SPICE1: variants seen among roughly 807,000 people sequenced by gnomAD.
The protein encoded by SPICE1 is spindle and centriole-associated protein 1.
In SPICE1, 75 loss-of-function variants were observed where a neutral mutation model predicts 102.7. The ratio of observed to expected loss-of-function variants is 0.73; its 90% CI spans 0.61 to 0.88. SPICE1 has a LOEUF of 0.88. Among genes scored for constraint, SPICE1 ranks in the 40% least tolerant of loss-of-function variants. SPICE1 has a pLI of 0.00. For synonymous variants in SPICE1, 308 were observed against 350.3 expected (o/e 0.88, Z 1.35); for missense variants, 979 against 1,020.1 (o/e 0.96, Z 0.55).
intron 13 of SPICE1, among the ~76,000 whole-genome samples, chr3:113,456,473 TGG>T (rs1182290774): frequency 6.6e-6 from 1 of 152,110 alleles, no homozygotes; most frequent in African/African-American, 2.4e-5. Flanking sequence ...AAAATGTACA[TGG>T]GGACAAATAA....
intron 7 of SPICE1, among the ~76,000 whole-genome samples, chr3:113,474,706 T>A (rs1200359891): frequency 6.6e-6 from 1 of 151,968 alleles, no homozygotes; most frequent in African/African-American, 2.4e-5. Flanking sequence ...CATAAATAAA[T>A]GAAGGCAGAA....
At chr3:113,473,861 G>A (rs1380863611) in intron 7 of SPICE1, among the ~76,000 whole-genome samples, 1 of 151,720 alleles carries the variant, frequency 6.6e-6, no homozygotes, top group Non-Finnish European at 1.5e-5. Context: ...ATCGAGACTA[G>A]GAAGAAACTG....
intron 16 of SPICE1, 37 bp from the exon 17 acceptor site, chr3:113,446,713 C>G (rs1559954931): frequency 6.7e-7 from 1 of 1,484,680 alleles, no homozygotes; most frequent in Non-Finnish European, 9.4e-7. Flanking sequence ...AGAGAGTGAG[C>G]TATCATTATT....
intron 1 of SPICE1, among the ~76,000 whole-genome samples, chr3:113,507,086 T>C (rs1429340304): frequency 6.6e-6 from 1 of 152,206 alleles, no homozygotes; most frequent in East Asian, 1.9e-4. Flanking sequence ...TAAAAGTAGC[T>C]AAACTTTAGA....
intron 7 of SPICE1, among the ~76,000 whole-genome samples, chr3:113,477,742 CA>C (rs1272466124): frequency 1.5e-5 from 2 of 137,490 alleles, no homozygotes; most frequent in Non-Finnish European, 3.0e-5. Context: ...ACAATGAGAA[CA>C]CATGGACACA....
chr3:113,454,834 T>C (rs1449981400), intron 13 of SPICE1, among the ~76,000 whole-genome samples: 1 of 152,152 alleles, frequency 6.6e-6, no homozygotes, highest in African/African-American at 2.4e-5. Context: ...AAGGAAGGGT[T>C]CTCAGGCATG....
chr3:113,464,044 G>C (rs1935993976), intron 11 of SPICE1, among the ~76,000 whole-genome samples: 1 of 151,884 alleles, frequency 6.6e-6, no homozygotes, highest in African/African-American at 2.4e-5. Context: ...CTCCAGCCTG[G>C]GGGACAGAGT....
chr3:113,473,241 G>C (rs1482454196), intron 7 of SPICE1, among the ~76,000 whole-genome samples: 1 of 152,142 alleles, frequency 6.6e-6, no homozygotes, highest in African/African-American at 2.4e-5. Flanking sequence ...ACAGAAAAAA[G>C]AATAAAAAGA....
intron 7 of SPICE1, among the ~76,000 whole-genome samples, chr3:113,474,856 C>T (rs1233021366): frequency 6.6e-6 from 1 of 152,014 alleles, no homozygotes; most frequent in African/African-American, 2.4e-5. Flanking sequence ...AAAATTGACA[C>T]CCTAACATCA....
intron 11 of SPICE1, 38 bp downstream of exon 11, chr3:113,465,615 C>A (rs746680104): frequency 6.3e-7 from 1 of 1,593,378 alleles, no homozygotes; most frequent in South Asian, 1.1e-5. Flanking sequence ...ATGTTTTATA[C>A]CACTGAACAC....
At chr3:113,489,952 A>C (rs7650930) in intron 6 of SPICE1, among the ~76,000 whole-genome samples, 1 of 151,498 alleles carries the variant, frequency 6.6e-6, no homozygotes, top group Admixed American at 6.6e-5. Flanking sequence ...TTCCTTCCCA[A>C]TCTCCTTTAC....
At chr3:113,474,158 T>C (rs1201195991) in intron 7 of SPICE1, among the ~76,000 whole-genome samples, 2 of 151,248 alleles carry the variant, frequency 1.3e-5, no homozygotes, top group Non-Finnish European at 2.9e-5. Flanking sequence ...TAAAACAGAC[T>C]TTAAACCAAC....
intron 14 of SPICE1, among the ~76,000 whole-genome samples, chr3:113,450,844 GACTT>G (rs1935636523): frequency 6.6e-6 from 1 of 152,146 alleles, no homozygotes; most frequent in South Asian, 2.1e-4. Flanking sequence ...ACACAATTTT[GACTT>G]ACTAATGGCC....
intron 7 of SPICE1, among the ~76,000 whole-genome samples, chr3:113,474,991 A>T (rs943537939): frequency 6.6e-6 from 1 of 152,224 alleles, no homozygotes; most frequent in East Asian, 1.9e-4. Flanking sequence ...TAATGAATCC[A>T]GGAGCTGGCT....
intron 7 of SPICE1, among the ~76,000 whole-genome samples, chr3:113,480,743 G>A (rs1370038780): frequency 6.6e-6 from 1 of 151,918 alleles, no homozygotes; most frequent in Non-Finnish European, 1.5e-5. Flanking sequence ...ATCTGGGTAT[G>A]GTGTTTGCAT....
Position 113,489,072 on chromosome 3 carries a change from A to C in SPICE1, c.493-9T>G. ...TCTACATCATTAAGAGCCTGTCTCAACACAACAATAAAAATAGCACAAGTT... is the reference window on the plus strand; with the variant it reads ...TCTACATCATTAAGAGCCTGTCTCACCACAACAATAAAAATAGCACAAGTT... On this transcript the variant is annotated splice_polypyrimidine_tract_variant and intron_variant, in intron 6 of 17. Coordinates refer to ENST00000295872, the MANE Select transcript of SPICE1 (RefSeq NM_144718.4). 1 of 1,525,416 alleles carries C rather than the reference A, an allele frequency of 6.6e-7. No individual in the cohort carries two copies. Among genetic ancestry groups the C allele is most frequent in the East Asian group, 2.3e-5 (1 of 44,372 alleles). 94.5% of individuals were successfully genotyped at this position (1,525,416 alleles called of 1,614,324 possible).
At chr3:113,473,935 AAT>A (rs1407883245) in intron 7 of SPICE1, among the ~76,000 whole-genome samples, 5 of 152,154 alleles carry the variant, frequency 3.3e-5, no homozygotes, top group Admixed American at 3.3e-4. Flanking sequence ...CACACTTAAC[AAT>A]ATTAACTTTA....
chr3:113,443,372 C>G lies in SPICE1; in HGVS notation c.*1935G>C, dbSNP rs898560505. On this transcript the variant is annotated 3_prime_UTR_variant, in exon 18 of 18. Coordinates refer to ENST00000295872, the MANE Select transcript of SPICE1 (RefSeq NM_144718.4). ...TTAGTTCCCGTAAATTAGGAGAAAT[C>G]CAGTAACTGCAAGAAAGAGCTTCAA... The G allele has an allele frequency of 1.3e-5, 2 of 152,146 alleles. No individual in the cohort carries two copies. Among genetic ancestry groups the G allele is most frequent in the African/African-American group, 4.8e-5 (2 of 41,420 alleles). 9.4% of individuals were successfully genotyped at this position (152,146 alleles called of 1,614,324 possible).
In SPICE1 at chr3:113,443,375, G is replaced by T. The variant is rs141556461; in HGVS notation, c.*1932C>A. On this transcript the variant is annotated 3_prime_UTR_variant, in exon 18 of 18. Coordinates refer to ENST00000295872, the MANE Select transcript of SPICE1 (RefSeq NM_144718.4). ...GTTCCCGTAAATTAGGAGAAATCCA[G>T]TAACTGCAAGAAAGAGCTTCAAGTC... 6.6e-6 allele frequency: 1 copy of T among 152,338 alleles called. No homozygotes were observed. The highest frequency in any genetic ancestry group is 2.4e-5 in the African/African-American group (1 of 41,582). The allele number at this position is 152,338 out of a possible 1,614,324, so 9.4% of individuals were successfully genotyped here. A position where few individuals can be genotyped will look rare whatever the true frequency, so the allele number is the denominator to read the frequency against.
Sources: gnomAD v4.1 joint callset for allele counts (sites outside exome capture counted in the v4.1 genomes callset) on GRCh38, gnomAD v4.1.1 for gene constraint, MANE v1.5 for transcripts, NCBI Gene and HGNC (gene_info 2026-07-23, HGNC 2026-07-21) for gene names.